Variants in CCSER1 observed in about 807,000 individuals in gnomAD.
The protein encoded by CCSER1 is coiled-coil serine rich protein 1, also known as serine-rich coiled-coil domain-containing protein 1.
Under a neutral mutation model 82.0 loss-of-function variants are expected in CCSER1, and 41 were observed. The ratio of observed to expected loss-of-function variants is 0.50; its 90% CI spans 0.39 to 0.65. The LOEUF is 0.65. Among genes scored for constraint, CCSER1 ranks in the 30% least tolerant of loss-of-function variants. CCSER1 has a pLI of 0.00. For missense variants in CCSER1, 1,119 were observed against 1,064.2 expected (o/e 1.05, Z -0.72); for synonymous variants, 414 against 383.9 (o/e 1.08, Z -0.92).
chr4:90,639,293 T>C (rs1726049154), intron 6 of CCSER1, among the ~76,000 whole-genome samples: 1 of 151,708 alleles, frequency 6.6e-6, no homozygotes, highest in African/African-American at 2.4e-5. Flanking sequence ...TCAATAAAAT[T>C]ATCAATAATT....
intron 7 of CCSER1, among the ~76,000 whole-genome samples, chr4:90,777,354 C>CAAAAAAA (rs60638334): frequency 6.8e-5 from 4 of 58,514 alleles, no homozygotes; most frequent in Non-Finnish European, 9.2e-5. Context: ...GACTCCATCT[C>CAAAAAAA]AAAAAAAAAA....
At chr4:90,957,624 T>A (rs1271733061) in intron 9 of CCSER1, among the ~76,000 whole-genome samples, 3 of 122,342 alleles carry the variant, frequency 2.5e-5, no homozygotes, top group African/African-American at 6.0e-5. Context: ...TTATATTGTA[T>A]ATATTCTATA....
chr4:91,025,993 C>A (rs1476561066), intron 9 of CCSER1, among the ~76,000 whole-genome samples: 1 of 152,066 alleles, frequency 6.6e-6, no homozygotes, highest in African/African-American at 2.4e-5. Flanking sequence ...TTTGCTGGGG[C>A]AGTTTCAGTG....
intron 5 of CCSER1, among the ~76,000 whole-genome samples, chr4:90,585,159 A>T (rs1781854374): frequency 6.6e-6 from 1 of 152,234 alleles, no homozygotes; most frequent in African/African-American, 2.4e-5. Flanking sequence ...GGATATAAAA[A>T]TTAAAGCCAC....
chr4:90,914,239 T>G (rs542551331), intron 8 of CCSER1, among the ~76,000 whole-genome samples: 2 of 152,316 alleles, frequency 1.3e-5, no homozygotes, highest in South Asian at 4.1e-4. Flanking sequence ...ACCACATAGT[T>G]GGAGGTAAAG....
chr4:90,567,842 A>G (rs1223800472), intron 5 of CCSER1, among the ~76,000 whole-genome samples: 2 of 151,270 alleles, frequency 1.3e-5, no homozygotes, highest in Non-Finnish European at 3.0e-5. Context: ...CCTGGGCTCA[A>G]GTGATCTGCC....
chr4:90,804,195 A>C (rs974518751), intron 7 of CCSER1, among the ~76,000 whole-genome samples: 2 of 151,990 alleles, frequency 1.3e-5, no homozygotes, highest in African/African-American at 4.8e-5. Context: ...TTCTTTTGCT[A>C]TGCAGAAGCT....
chr4:90,804,106 T>C (rs1470456138), intron 7 of CCSER1, among the ~76,000 whole-genome samples: 6 of 152,122 alleles, frequency 3.9e-5, no homozygotes, highest in Non-Finnish European at 8.8e-5. Flanking sequence ...TAGATTCTGG[T>C]TATTACTCCT....
intron 5 of CCSER1, among the ~76,000 whole-genome samples, chr4:90,567,644 C>T (rs1161339837): frequency 7.4e-6 from 1 of 135,526 alleles, no homozygotes; most frequent in Admixed American, 8.0e-5. Context: ...CTTACTCTGT[C>T]ACCCAGGCTC....
At chr4:90,159,353 G>T (rs1430605553) in intron 1 of CCSER1, among the ~76,000 whole-genome samples, 1 of 152,024 alleles carries the variant, frequency 6.6e-6, no homozygotes, top group Admixed American at 6.6e-5. Flanking sequence ...CCCATTGCCA[G>T]GTTTTATAAA....
chr4:91,483,637 T>G (rs1758065000), intron 10 of CCSER1, among the ~76,000 whole-genome samples: 1 of 152,102 alleles, frequency 6.6e-6, no homozygotes, highest in South Asian at 2.1e-4. Flanking sequence ...GATTTCACCA[T>G]GTTGGTCAGG....
At chr4:91,169,586 A>T (rs1392574316) in intron 10 of CCSER1, among the ~76,000 whole-genome samples, 5 of 152,168 alleles carry the variant, frequency 3.3e-5, no homozygotes, top group Non-Finnish European at 7.3e-5. Flanking sequence ...ACACCACTGC[A>T]CTCTAGCCTG....
At chr4:91,570,839 G>A (rs1763141756) in intron 10 of CCSER1, among the ~76,000 whole-genome samples, 3 of 152,132 alleles carry the variant, frequency 2.0e-5, no homozygotes, top group Admixed American at 2.0e-4. Context: ...AATTTCTCCA[G>A]GGGTATTGAA....
At chr4:90,201,701 T>G (rs1338993984) in intron 1 of CCSER1, among the ~76,000 whole-genome samples, 1 of 152,090 alleles carries the variant, frequency 6.6e-6, no homozygotes, top group African/African-American at 2.4e-5. Flanking sequence ...GCTACTGTAT[T>G]GAACAGTTCA....
At chr4:91,113,410 C>T (rs1181307928) in intron 10 of CCSER1, among the ~76,000 whole-genome samples, 3 of 152,168 alleles carry the variant, frequency 2.0e-5, no homozygotes, top group Admixed American at 6.5e-5. Flanking sequence ...AATAATTCTG[C>T]AAAGCAGGTA....
chr4:91,149,169 C>T (rs1458171974), intron 10 of CCSER1, among the ~76,000 whole-genome samples: 1 of 152,128 alleles, frequency 6.6e-6, no homozygotes, highest in Non-Finnish European at 1.5e-5. Flanking sequence ...TTAATGATCA[C>T]CATTCTAACT....
intron 7 of CCSER1, among the ~76,000 whole-genome samples, chr4:90,776,071 T>C (rs1380565529): frequency 1.3e-5 from 2 of 152,014 alleles, no homozygotes; most frequent in Non-Finnish European, 2.9e-5. Context: ...GAGCAGTGTA[T>C]CCCCAAATAT....
intron 3 of CCSER1, among the ~76,000 whole-genome samples, chr4:90,334,723 G>T (rs1031389100): frequency 6.6e-6 from 1 of 152,086 alleles, no homozygotes; most frequent in African/African-American, 2.4e-5. Context: ...CTATTAGGGA[G>T]AATGGCAATA....
chr4:91,302,031 T>A (rs1744709649), intron 10 of CCSER1, among the ~76,000 whole-genome samples: 1 of 151,810 alleles, frequency 6.6e-6, no homozygotes, highest in Non-Finnish European at 1.5e-5. Flanking sequence ...TAAATGGTGC[T>A]CTGACACATA....
Sources: gnomAD v4.1 joint callset for allele counts (sites outside exome capture counted in the v4.1 genomes callset) on GRCh38, gnomAD v4.1.1 for gene constraint, MANE v1.5 for transcripts, NCBI Gene and HGNC (gene_info 2026-07-23, HGNC 2026-07-21) for gene names.